R3HDM1: variants seen among roughly 807,000 people sequenced by gnomAD.
R3HDM1 encodes the protein R3H domain containing 1, also known as R3H domain-containing protein 1.
A neutral mutation model predicts 141.1 loss-of-function variants in R3HDM1; 46 were observed. The ratio of observed to expected loss-of-function variants is 0.33; its 90% confidence interval spans 0.26 to 0.42. The LOEUF (loss-of-function observed/expected upper bound fraction) is 0.42, where lower values mean the gene tolerates loss of function less well. R3HDM1 is among the 10% of genes least tolerant of loss of function. The probability of loss-of-function intolerance (pLI) is 1.00; values close to 1 mark genes in which losing one functional copy is unlikely to be tolerated. For missense variants in R3HDM1, 1,184 were observed against 1,368.3 expected (o/e 0.87, Z 2.12); for synonymous variants, 435 against 472.9 (o/e 0.92, Z 1.04).
intron 21 of R3HDM1, among the ~76,000 whole-genome samples, chr2:135,699,021 AGATAGATAGAT>A (rs1559465441): frequency 2.7e-3 from 324 of 120,158 alleles, no homozygotes; most frequent in African/African-American, 6.7e-3. Flanking sequence ...ATAGATAGAT[AGATAGATAGAT>A]AGATAGATAG....
intron 19 of R3HDM1, among the ~76,000 whole-genome samples, chr2:135,672,869 G>A (rs1375454188): frequency 6.6e-6 from 1 of 152,140 alleles, no homozygotes; most frequent in Non-Finnish European, 1.5e-5. Flanking sequence ...ACTTTGGGAG[G>A]CTGAGGTGGG....
At chr2:135,543,151 A>G (rs1697981265) in intron 1 of R3HDM1, 4 of 924,154 alleles carry the variant, frequency 4.3e-6, no homozygotes, top group Admixed American at 6.2e-5. Context: ...ATTTTTGTGT[A>G]TGGTGTGAGA....
chr2:135,697,252 T>C (rs765075924), intron 21 of R3HDM1, among the ~76,000 whole-genome samples: 10 of 152,206 alleles, frequency 6.6e-5, no homozygotes, highest in African/African-American at 1.2e-4. Context: ...GTACTCCCTA[T>C]GGTTTATATC....
rs1034806146 is a variant in R3HDM1, at chr2:135,675,466, A to G, written c.2287A>G (p.Thr763Ala). 1.2e-6 allele frequency: 2 copies of G among 1,613,604 alleles called. No homozygotes were observed. Among genetic ancestry groups the G allele is most frequent in the African/African-American group, 2.7e-5 (2 of 74,898 alleles). ...NQIQGVVIPYTSVPTYQVSLP... is the reference protein window; with the variant it reads ...NQIQGVVIPYASVPTYQVSLP... The stretch of plus-strand genomic sequence containing the variant: ...GATTCAAGGAGTGGTCATCCCCTAT[A>G]CTTCAGTGCCAACATATCAGGTATA... The change falls in exon 20 of 27, where the codon ACT becomes GCT. Residue 763 changes from threonine to alanine, a missense_variant. By Grantham distance (58) the Thr-to-Ala change is moderately conservative. Coordinates refer to ENST00000683871, the MANE Select transcript of R3HDM1 (RefSeq NM_001378107.1).
At chr2:135,616,874 T>A in intron 5 of R3HDM1, 117 bp downstream of exon 5, 1 of 882,354 alleles carries the variant, frequency 1.1e-6, no homozygotes, top group Non-Finnish European at 1.7e-6. Context: ...ACTTATTCAA[T>A]AATACTTGGC....
chr2:135,658,096 T>C (rs2066160139), intron 18 of R3HDM1, among the ~76,000 whole-genome samples: 1 of 152,256 alleles, frequency 6.6e-6, no homozygotes, highest in Non-Finnish European at 1.5e-5. Context: ...TAAGTATTTG[T>C]GCATCTAAAT....
At chr2:135,626,201 GTGCGTGCGTGCT>G (rs1026910339) in intron 7 of R3HDM1, among the ~76,000 whole-genome samples, 1 of 108,478 alleles carries the variant, frequency 9.2e-6, no homozygotes, top group Non-Finnish European at 1.7e-5. Flanking sequence ...GCGTGCGTGC[GTGCGTGCGTGCT>G]TGCTTGCTTG....
chr2:135,592,918 A>G (rs1318921413), intron 1 of R3HDM1, among the ~76,000 whole-genome samples: 1 of 151,534 alleles, frequency 6.6e-6, no homozygotes, highest in Admixed American at 6.6e-5. Context: ...ACCTCCGTGT[A>G]GTCTTTTTTT....
At chr2:135,586,768 C>T in intron 1 of R3HDM1, 3 of 984,644 alleles carry the variant, frequency 3.0e-6, no homozygotes, top group Non-Finnish European at 2.4e-6. Flanking sequence ...TTTGATATTT[C>T]TTGTAACTTA....
At chr2:135,544,799 T>C (rs1464658462) in intron 1 of R3HDM1, among the ~76,000 whole-genome samples, 2 of 152,106 alleles carry the variant, frequency 1.3e-5, no homozygotes, top group Non-Finnish European at 2.9e-5. Context: ...TCATCTCTAC[T>C]AAAAATACAA....
chr2:135,642,268 G>GGT (rs2063875385), intron 15 of R3HDM1, among the ~76,000 whole-genome samples: 1 of 151,884 alleles, frequency 6.6e-6, no homozygotes, highest in South Asian at 2.1e-4. Context: ...CTGAGGAAAA[G>GGT]GTAAAGGACA....
chr2:135,533,921 A>G (rs1376773334), intron 1 of R3HDM1: 2 of 845,590 alleles, frequency 2.4e-6, no homozygotes, highest in Middle Eastern at 6.0e-4. Context: ...TAAATCCCCT[A>G]GCATTGTGCC....
intron 23 of R3HDM1, 63 bp downstream of exon 23, chr2:135,710,294 A>T (rs1274377665): frequency 6.7e-7 from 1 of 1,497,734 alleles, no homozygotes; most frequent in East Asian, 2.3e-5. Flanking sequence ...AGATTGACTT[A>T]TAAGGCTTGA....
At chr2:135,611,284 G>A (rs1170407954) in intron 3 of R3HDM1, among the ~76,000 whole-genome samples, 2 of 150,728 alleles carry the variant, frequency 1.3e-5, no homozygotes, top group Non-Finnish European at 3.0e-5. Context: ...ATTAGGCATG[G>A]CGGCTACTCT....
chr2:135,680,125 G>A, intron 20 of R3HDM1, 48 bp from the exon 21 acceptor site: 1 of 1,542,152 alleles, frequency 6.5e-7, no homozygotes, highest in Non-Finnish European at 8.9e-7. Context: ...ACATTTACAA[G>A]GCCTTGAAAA....
intron 1 of R3HDM1, chr2:135,597,318 T>A (rs1266109952): frequency 2.1e-6 from 2 of 946,820 alleles, no homozygotes; most frequent in Non-Finnish European, 2.5e-6. Context: ...AAAGCTATAG[T>A]GCCTTCTGTG....
intron 7 of R3HDM1, among the ~76,000 whole-genome samples, chr2:135,631,033 A>G (rs1237054810): frequency 2.6e-5 from 4 of 152,118 alleles, no homozygotes; most frequent in Non-Finnish European, 5.9e-5. Context: ...TTAGATTTTT[A>G]TGGGAAAATT....
intron 9 of R3HDM1, among the ~76,000 whole-genome samples, chr2:135,633,007 A>G (rs2062871184): frequency 6.6e-6 from 1 of 152,076 alleles, no homozygotes; most frequent in African/African-American, 2.4e-5. Flanking sequence ...TCCCATTTTA[A>G]ATAGTCTTTT....
chr2:135,678,380 C>T (rs577162927), intron 20 of R3HDM1, among the ~76,000 whole-genome samples: 1 of 152,160 alleles, frequency 6.6e-6, no homozygotes, highest in African/African-American at 2.4e-5. Flanking sequence ...AATCTAAGGT[C>T]TTATAGCTAG....
Sources: gnomAD v4.1 joint callset for allele counts (sites outside exome capture counted in the v4.1 genomes callset) on GRCh38, gnomAD v4.1.1 for gene constraint, MANE v1.5 for transcripts, NCBI Gene and HGNC (gene_info 2026-07-23, HGNC 2026-07-21) for gene names.